The following IREB2 variants were observed in gnomAD, a reference collection of about 807,000 sequenced individuals.
IREB2 encodes iron responsive element binding protein 2, also known as iron-responsive element-binding protein 2.
IREB2 carries 39 observed loss-of-function variants against 118.8 expected under a neutral mutation model. The ratio of observed to expected loss-of-function variants is 0.33; its 90% CI spans 0.25 to 0.43. The LOEUF (loss-of-function observed/expected upper bound fraction) is 0.43. IREB2 is among the 20% of genes least tolerant of loss of function. The probability of loss-of-function intolerance (pLI) is 1.00; values close to 1 mark genes in which losing one functional copy is unlikely to be tolerated. For missense variants in IREB2, 900 were observed against 1,147.3 expected, an observed-to-expected ratio of 0.78 and a Z score of 3.11; for synonymous variants, 372 against 392.2, an observed-to-expected ratio of 0.95 and a Z score of 0.61.
intron 2 of IREB2, among the ~76,000 whole-genome samples, chr15:78,459,043 C>A (rs1261425083): frequency 6.6e-6 from 1 of 151,878 alleles, no homozygotes; most frequent in African/African-American, 2.4e-5. Flanking sequence ...TCAAGCAGTC[C>A]CCCCTCCCAA....
At chr15:78,471,646 T>C (rs1232605032) in intron 6 of IREB2, 95 bp from the exon 7 acceptor site, 3 of 665,124 alleles carry the variant, frequency 4.5e-6, no homozygotes, top group East Asian at 2.8e-5. Context: ...TATTGAACAT[T>C]AGTTAAAATA....
At chr15:78,484,305 A>G (rs1321002535) in intron 11 of IREB2, among the ~76,000 whole-genome samples, 1 of 152,154 alleles carries the variant, frequency 6.6e-6, no homozygotes, top group Non-Finnish European at 1.5e-5. Context: ...AGTCCACTGA[A>G]TTGCCATGTA....
chr15:78,482,393 A>C (rs749535694), intron 10 of IREB2, among the ~76,000 whole-genome samples: 1 of 152,222 alleles, frequency 6.6e-6, no homozygotes, highest in Non-Finnish European at 1.5e-5. Context: ...GAAGAAATAA[A>C]TAGGAATCTA....
chr15:78,464,646 T>C (rs2051250815), intron 3 of IREB2, among the ~76,000 whole-genome samples: 1 of 152,208 alleles, frequency 6.6e-6, no homozygotes, highest in African/African-American at 2.4e-5. Context: ...TGTAGTGATG[T>C]GATCATAGTT....
chr15:78,488,543 C>A, intron 15 of IREB2, 104 bp from the exon 16 acceptor site: 1 of 1,181,404 alleles, frequency 8.5e-7, no homozygotes. Context: ...CCTGAAGCAC[C>A]CTGTTGAATC....
intron 3 of IREB2, among the ~76,000 whole-genome samples, chr15:78,463,492 G>T (rs1039574): frequency 0.93 from 140,719 of 152,042 alleles, 66,061 homozygotes; most frequent in Non-Finnish European, 1. Flanking sequence ...ATGGCTCTGT[G>T]TTTTTTTGTT....
chr15:78,438,053 C>T, upstream of IREB2: 1 of 487,578 alleles, frequency 2.1e-6, no homozygotes, highest in South Asian at 2.8e-5. Context: ...GCGCTCCGCC[C>T]CCGCTCGCGA....
At chr15:78,481,333 G>A (rs1260996671) in intron 10 of IREB2, among the ~76,000 whole-genome samples, 1 of 151,822 alleles carries the variant, frequency 6.6e-6, no homozygotes, top group Admixed American at 6.6e-5. Context: ...CTCCTGAGTA[G>A]CTAGGATTAC....
intron 5 of IREB2, among the ~76,000 whole-genome samples, chr15:78,468,709 G>A (rs62010409): frequency 4.3e-4 from 66 of 152,150 alleles, no homozygotes; most frequent in Non-Finnish European, 7.1e-4. Flanking sequence ...ATTCTGTCTA[G>A]TTCTAAAATA....
At chr15:78,485,215 A>G (rs536951911) in intron 12 of IREB2, among the ~76,000 whole-genome samples, 3 of 152,368 alleles carry the variant, frequency 2.0e-5, no homozygotes, top group East Asian at 3.9e-4. Flanking sequence ...GATTATCTAG[A>G]AGTTAACCAT....
intron 7 of IREB2, 35 bp downstream of exon 7, chr15:78,471,959 G>A: frequency 7.0e-7 from 1 of 1,432,240 alleles, no homozygotes; most frequent in South Asian, 1.5e-5. Flanking sequence ...CATTTCTTTT[G>A]GGGTAAGGAT....
At position 78,465,308 on chromosome 15, in the gene IREB2, A is replaced by C; in HGVS notation, c.330A>C (p.Gly110=). 2 of 1,613,664 alleles carry C rather than the reference A, an allele frequency of 1.2e-6. No homozygotes were observed. The highest frequency in any genetic ancestry group is 2.7e-5 in the African/African-American group (2 of 75,058). ...TGAGGGAGGCAGTGAAAACTCTTGGAGGTGATCCTGAGAAAGTCCATCCTG... is the reference window on the plus strand; with the variant it reads ...TGAGGGAGGCAGTGAAAACTCTTGGCGGTGATCCTGAGAAAGTCCATCCTG... ...AAMREAVKTL[G]GDPEKVHPAC... is the part of the protein sequence containing the mutation. Residue 110 remains glycine (G), a synonymous_variant, in exon 4 of 22, where the codon GGA becomes GGC. Transcript: ENST00000258886.
chr15:78,455,097 T>C (rs551944933), intron 2 of IREB2, among the ~76,000 whole-genome samples: 1 of 152,272 alleles, frequency 6.6e-6, no homozygotes, highest in African/African-American at 2.4e-5. Flanking sequence ...GGTGTTTTCT[T>C]GGGCAAATGG....
chr15:78,484,435 T>A (rs2051625190), intron 11 of IREB2, among the ~76,000 whole-genome samples: 1 of 152,100 alleles, frequency 6.6e-6, no homozygotes, highest in African/African-American at 2.4e-5. Flanking sequence ...AGAAAAAAAT[T>A]TCTGCCATCT....
At chr15:78,478,229 G>T (rs2051505926) in intron 9 of IREB2, 68 bp from the exon 10 acceptor site, 2 of 1,086,266 alleles carry the variant, frequency 1.8e-6, no homozygotes, top group East Asian at 4.9e-5. Flanking sequence ...GTGAAACCCT[G>T]TCTGAAAAAA....
intron 10 of IREB2, among the ~76,000 whole-genome samples, chr15:78,479,465 G>A (rs2051529415): frequency 6.7e-6 from 1 of 150,242 alleles, no homozygotes; most frequent in Non-Finnish European, 1.5e-5. Context: ...TAAACTCCTG[G>A]CCTCAAGCAA....
chr15:78,438,420 T>G, intron 1 of IREB2, 64 bp downstream of exon 1: 1 of 1,550,436 alleles, frequency 6.4e-7, no homozygotes, highest in Non-Finnish European at 8.8e-7. Context: ...GGCGCCGAAT[T>G]CCTTGCTTTT....
In IREB2 at chr15:78,494,261, A is replaced by G. The variant is rs1447652637; in HGVS notation, c.2592A>G (p.Leu864=). The G allele has an allele frequency of 6.2e-7, 1 of 1,612,498 alleles. No homozygotes were observed. Among genetic ancestry groups the G allele is most frequent in the East Asian group, 2.2e-5 (1 of 44,864 alleles). The change falls in exon 20 of 22, where the codon TTA becomes TTG. Residue 864 remains leucine (L), a synonymous_variant. Coordinates refer to ENST00000258886, the MANE Select transcript of IREB2 (RefSeq NM_004136.4). ...SRDWAAKGPY[L]LGVKAVLAES... is the part of the protein sequence containing the mutation. ...ACTGGGCTGCCAAAGGACCGTATTT[A>G]CTGGTATTGAATCTTAAAATTTATC...
chr15:78,457,520 T>C (rs896622983), intron 2 of IREB2, among the ~76,000 whole-genome samples: 2 of 152,218 alleles, frequency 1.3e-5, no homozygotes, highest in African/African-American at 4.8e-5. Flanking sequence ...GAAATTATTT[T>C]CATTTGGAAT....
Sources: gnomAD v4.1 joint callset for allele counts (sites outside exome capture counted in the v4.1 genomes callset) on GRCh38, gnomAD v4.1.1 for gene constraint, MANE v1.5 for transcripts, NCBI Gene and HGNC (gene_info 2026-07-23, HGNC 2026-07-21) for gene names.